SAMD11: variants seen among roughly 807,000 people sequenced by gnomAD.
SAMD11 encodes sterile alpha motif domain-containing protein 11.
A neutral mutation model predicts 64.4 loss-of-function variants in SAMD11; 77 were observed. The observed-to-expected ratio is 1.20, with a 90% CI of 0.99 to 1.44. SAMD11 has a LOEUF of 1.44. Among genes scored for constraint, SAMD11 ranks in the 40% most tolerant of loss-of-function variants. The probability of loss-of-function intolerance (pLI) is 0.00; values close to 1 mark genes in which losing one functional copy is unlikely to be tolerated. For missense variants in SAMD11, 1,402 were observed against 943.3 expected (o/e 1.49, Z -6.37); for synonymous variants, 658 against 421.9 (o/e 1.56, Z -6.86).
At chr1:927,951 G>A (rs927536926) in intron 2 of SAMD11, among the ~76,000 whole-genome samples, 6 of 152,252 alleles carry the variant, frequency 3.9e-5, no homozygotes, top group African/African-American at 9.6e-5. Flanking sequence ...TGCGCATCAC[G>A]GGGCTGAGGC....
At chr1:941,921 C>T (rs1028241526) in intron 8 of SAMD11, among the ~76,000 whole-genome samples, 22 of 151,960 alleles carry the variant, frequency 1.4e-4, no homozygotes, top group African/African-American at 4.8e-4. Context: ...CCGCTGCAGC[C>T]GTCGCCGCCC....
rs1028130679 is a variant in SAMD11, at chr1:944,527, T to C, written c.*374T>C. 52 of 623,594 alleles carry C rather than the reference T, an allele frequency of 8.3e-5. No individual in the cohort carries two copies. Among genetic ancestry groups the C allele is most frequent in the African/African-American group, 5.8e-4 (31 of 53,288 alleles). The allele number at this position is 623,594 out of a possible 1,614,324, so 38.6% of individuals were successfully genotyped here. On this transcript the variant is annotated 3_prime_UTR_variant, in exon 14 of 14. Transcript: ENST00000616016. ...CCACACCAGCCCAGCCCAGCCCAGC[T>C]CTCGATACGTTTGGTCTTTCATGCT...
chr1:934,134 CGTTACAGGTGGGCAGGGGAGGCGGCTG>C (rs1557603658), intron 4 of SAMD11, among the ~76,000 whole-genome samples: 27 of 168 alleles, frequency 0.16, 12 homozygotes, highest in South Asian at 1. Flanking sequence ...GAGGCGGCTG[CGTTACAGGTGGGCAGGGGAGGCGGCTG>C]CGTTACAGGT....
chr1:943,889 C>T lies in SAMD11; in HGVS notation c.2290-19C>T. The T allele has an allele frequency of 6.2e-7, 1 of 1,612,982 alleles. No individual in the cohort carries two copies. The highest frequency in any genetic ancestry group is 1.3e-5 in the African/African-American group (1 of 75,036). On this transcript the variant is annotated intron_variant, in intron 13 of 13. Transcript: ENST00000616016. ...CTGGGTGGGTGTGCGACAGCCCCCACCAGGCCATCTCTCTGCAGGTGGCCA... is the reference window on the plus strand; with the variant it reads ...CTGGGTGGGTGTGCGACAGCCCCCATCAGGCCATCTCTCTGCAGGTGGCCA...
chr1:926,647 G>A (rs150020922), intron 2 of SAMD11, among the ~76,000 whole-genome samples: 1 of 152,204 alleles, frequency 6.6e-6, no homozygotes, highest in African/African-American at 2.4e-5. Context: ...CCCTCACTGA[G>A]GGAGCAGGCA....
chr1:943,461 C>CAT (rs1641939938), intron 12 of SAMD11, 84 bp downstream of exon 12: 4 of 1,210,582 alleles, frequency 3.3e-6, no homozygotes, highest in Non-Finnish European at 4.6e-6. Flanking sequence ...GGGGTAGGGC[C>CAT]ATTCCCCAAC....
At position 943,319 on chromosome 1, in the gene SAMD11, C is replaced by G. The variant is rs1159536667; in HGVS notation, c.2120C>G (p.Thr707Ser). The G allele has an allele frequency of 6.2e-7, 1 of 1,610,824 alleles. No individual in the cohort carries two copies. Among genetic ancestry groups the G allele is most frequent in the Non-Finnish European group, 8.5e-7 (1 of 1,178,810 alleles). Residue 707 changes from threonine (T) to serine (S), a missense_variant, in exon 12 of 14, where the codon ACC (threonine) becomes AGC (serine). Transcript: ENST00000616016. ...GCCCCTGAGGACGTCACCAAGTGGA[C>G]CGTGGATGACGTCTGCAGCTTCGTG... ...APAPEDVTKW[T>S]VDDVCSFVGG...
chr1:930,967 A>G, intron 3 of SAMD11, 72 bp from the exon 4 acceptor site: 2 of 1,478,202 alleles, frequency 1.4e-6, no homozygotes, highest in East Asian at 2.3e-5. Context: ...AGGTCTGCGC[A>G]CGCCCTGCTA....
chr1:939,480 T>C, intron 7 of SAMD11, 68 bp downstream of exon 7: 1 of 1,595,670 alleles, frequency 6.3e-7, no homozygotes, highest in South Asian at 1.1e-5. Context: ...CACCCTGGCA[T>C]GATCTCCCCT....
chr1:929,171 C>T (rs867443357), intron 2 of SAMD11, among the ~76,000 whole-genome samples: 3 of 152,230 alleles, frequency 2.0e-5, no homozygotes, highest in Non-Finnish European at 4.4e-5. Context: ...GCTGGGCCGG[C>T]GCTGGTGTGC....
chr1:942,003 C>T (rs928249274), intron 8 of SAMD11, 133 bp from the exon 9 acceptor site: 33 of 404,532 alleles, frequency 8.2e-5, no homozygotes, highest in African/African-American at 5.0e-4. Context: ...TGGCGCGCGA[C>T]CTGGGGCCGT....
rs191815915 is a variant in SAMD11, at chr1:938,891, G to A, written c.968-149G>A. The A allele has an allele frequency of 2.0e-4, 142 of 707,972 alleles. No individual in the cohort carries two copies. In the African/African-American group the frequency reaches 2.3e-3, roughly 12 times the overall value. The allele number at this position is 707,972 out of a possible 1,614,324, so 43.9% of individuals were successfully genotyped here. Reference sequence around the variant, plus strand: ...CGTGATGTCCTCTGCGCTGAAGGCTGGGGCTGCCAGGGCTGGGCAAGGCCT... The same window carrying A: ...CGTGATGTCCTCTGCGCTGAAGGCTAGGGCTGCCAGGGCTGGGCAAGGCCT... On this transcript the variant is annotated intron_variant, in intron 5 of 13. Transcript: ENST00000616016.
At position 935,779 on chromosome 1, in the gene SAMD11, G is replaced by A. The variant is rs143282473; in HGVS notation, c.850G>A (p.Gly284Ser). The A allele has an allele frequency of 1.5e-3, 2,376 of 1,613,350 alleles. 21 individuals carry two copies. The highest frequency in any genetic ancestry group is 9.1e-4 in the Non-Finnish European group (1,069 of 1,179,806). ...CCCGGTCTCGTTCTGCAGCCAGGACGGCAACCTTCCCACCCTCATATCCAG... is the reference window on the plus strand; with the variant it reads ...CCCGGTCTCGTTCTGCAGCCAGGACAGCAACCTTCCCACCCTCATATCCAG... Reference protein sequence around the residue: ...SFREASCSQDGNLPTLISSVH... With the variant: ...SFREASCSQDSNLPTLISSVH... The change falls in exon 5 of 14, where the codon GGC (glycine) becomes AGC (serine). Residue 284 changes from glycine (G) to serine (S), a missense_variant. Coordinates refer to ENST00000616016, the MANE Select transcript of SAMD11 (RefSeq NM_001385641.1).
rs548927530 is a variant in SAMD11, at chr1:943,161, C to A, written c.2054-92C>A. On this transcript the variant is annotated intron_variant, in intron 11 of 13. Coordinates refer to ENST00000616016, the MANE Select transcript of SAMD11 (RefSeq NM_001385641.1). ...GAAAAATTCCCCTTAGGCACCCATC[C>A]CCCACCTCAGCAATTGGGGCACACG... is the stretch of plus-strand genomic sequence containing the variant. 60 of 1,595,066 alleles carry A rather than the reference C, an allele frequency of 3.8e-5. No individual in the cohort carries two copies. The African/African-American group carries it at 7.0e-4, about 19-fold the overall frequency.
At position 928,182 on chromosome 1, in the gene SAMD11, A is replaced by G. The variant is rs7417972; in HGVS notation, c.610-1973A>G. Among the ~76,000 whole-genome samples, 653 of 151,582 alleles carry G rather than the reference A, an allele frequency of 4.3e-3. 17 individuals are homozygous for G. The highest frequency in any genetic ancestry group is 0.036 in the Admixed American group (554 of 15,268). ...GCCGAGGCGGGCGGATCACGAGGTC[A>G]GGAGATCGAGACCATCCTGACTAAC... On this transcript the variant is annotated intron_variant, in intron 2 of 13. Coordinates refer to ENST00000616016, the MANE Select transcript of SAMD11 (RefSeq NM_001385641.1).
At chr1:933,548 A>AC (rs1553159120) in intron 4 of SAMD11, among the ~76,000 whole-genome samples, 31 of 152,068 alleles carry the variant, frequency 2.0e-4, no homozygotes, top group Non-Finnish European at 4.0e-4. Context: ...GGGACACCAG[A>AC]GGGGGGACCC....
At chr1:936,438 C>T (rs972647229) in intron 5 of SAMD11, among the ~76,000 whole-genome samples, 6 of 147,176 alleles carry the variant, frequency 4.1e-5, no homozygotes, top group African/African-American at 1.3e-4. Flanking sequence ...CCGGTCGGTC[C>T]CGCCTTCTAG....
rs879326979 is a variant in SAMD11, at chr1:930,081, A to AGCCCCACCTTCCTCTCCTCCT, written c.610-23_610-3dup. The stretch of plus-strand genomic sequence containing the variant: ...CCCGGGAGATGGAACGGCCCGGTCC[A>AGCCCCACCTTCCTCTCCTCCT]GCCCCACCTTCCTCTCCTCCTGCCC... On this transcript the variant is annotated intron_variant, in intron 2 of 13. Coordinates refer to ENST00000616016, the MANE Select transcript of SAMD11 (RefSeq NM_001385641.1). 656 of 1,475,002 alleles carry AGCCCCACCTTCCTCTCCTCCT rather than the reference A, an allele frequency of 4.4e-4. 16 individuals are homozygous for AGCCCCACCTTCCTCTCCTCCT. In the East Asian group the frequency reaches 0.015, roughly 34 times the overall value. 91.4% of individuals were successfully genotyped at this position (1,475,002 alleles called of 1,614,324 possible).
At chr1:926,979 G>A (rs1465891426) in intron 2 of SAMD11, among the ~76,000 whole-genome samples, 1 of 152,150 alleles carries the variant, frequency 6.6e-6, no homozygotes, top group Non-Finnish European at 1.5e-5. Context: ...ATGCCCAGGG[G>A]CCTGTGAGCC....
Sources: gnomAD v4.1 joint callset for allele counts (sites outside exome capture counted in the v4.1 genomes callset) on GRCh38, gnomAD v4.1.1 for gene constraint, MANE v1.5 for transcripts, NCBI Gene and HGNC (gene_info 2026-07-23, HGNC 2026-07-21) for gene names.